SYT16: variants seen among roughly 807,000 people sequenced by gnomAD.
SYT16 encodes synaptotagmin-16.
SYT16 carries 42 observed loss-of-function variants against 61.4 expected under a neutral mutation model. That is an observed-to-expected ratio of 0.68 (90% CI 0.53 to 0.89). The LOEUF (loss-of-function observed/expected upper bound fraction) is 0.89. Ranked by LOEUF, SYT16 falls within the 40% of genes least tolerant of loss-of-function variation. SYT16 has a pLI of 0.00. For synonymous variants in SYT16, 314 were observed against 302.3 expected (o/e 1.04, Z -0.40); for missense variants, 804 against 807.3 (o/e 1.00, Z 0.05).
intron 1 of SYT16, among the ~76,000 whole-genome samples, chr14:61,910,448 AGGCTG>A (rs1285644003): frequency 6.6e-6 from 1 of 151,916 alleles, no homozygotes; most frequent in Non-Finnish European, 1.5e-5. Flanking sequence ...CATGTTGGCC[AGGCTG>A]GTCTCGAACT....
At chr14:62,032,868 A>T (rs1293639425) in intron 3 of SYT16, among the ~76,000 whole-genome samples, 1 of 152,142 alleles carries the variant, frequency 6.6e-6, no homozygotes, top group Non-Finnish European at 1.5e-5. Context: ...TGTCACTACA[A>T]TGAAAGAAAT....
intron 1 of SYT16, among the ~76,000 whole-genome samples, chr14:61,881,387 C>G (rs1200764994): frequency 6.6e-6 from 1 of 152,234 alleles, no homozygotes; most frequent in Non-Finnish European, 1.5e-5. Context: ...TTTCAACTCA[C>G]TTTTATCTGG....
intron 7 of SYT16, among the ~76,000 whole-genome samples, chr14:62,091,468 G>T (rs1489721421): frequency 6.6e-6 from 1 of 152,174 alleles, no homozygotes; most frequent in Non-Finnish European, 1.5e-5. Flanking sequence ...AACAGGAGCG[G>T]TAGGAAAAAT....
intron 1 of SYT16, chr14:61,897,220 C>T (rs934853242): frequency 6.6e-6 from 1 of 152,226 alleles, no homozygotes; most frequent in African/African-American, 2.4e-5. Context: ...ATATGGCCTA[C>T]ACCGAAAATA....
chr14:61,895,739 T>C (rs1454680848), intron 1 of SYT16, among the ~76,000 whole-genome samples: 1 of 152,248 alleles, frequency 6.6e-6, no homozygotes, highest in Non-Finnish European at 1.5e-5. Context: ...ACTCTTGCAT[T>C]ACTACCACTG....
chr14:62,098,487 T>G (rs1418417780), intron 7 of SYT16, among the ~76,000 whole-genome samples: 1 of 152,230 alleles, frequency 6.6e-6, no homozygotes, highest in African/African-American at 2.4e-5. Flanking sequence ...TAGTAAAATT[T>G]GAGTGCTTTC....
intron 4 of SYT16, among the ~76,000 whole-genome samples, chr14:62,074,351 G>A (rs1454308086): frequency 3.3e-5 from 5 of 152,158 alleles, no homozygotes; most frequent in Non-Finnish European, 7.3e-5. Flanking sequence ...GGGGCACTGT[G>A]AGCAGAAATA....
chr14:61,904,027 A>C (rs1351128356), intron 1 of SYT16, among the ~76,000 whole-genome samples: 1 of 152,208 alleles, frequency 6.6e-6, no homozygotes, highest in Middle Eastern at 3.2e-3. Context: ...CTATTCCTAC[A>C]AACGCCCAAT....
chr14:61,961,900 A>C (rs947737590), intron 1 of SYT16, among the ~76,000 whole-genome samples: 16 of 152,186 alleles, frequency 1.1e-4, no homozygotes, highest in Non-Finnish European at 4.4e-5. Context: ...GATAAAGAAA[A>C]TGTGGTACAT....
intron 7 of SYT16, among the ~76,000 whole-genome samples, chr14:62,095,076 A>G (rs1462040637): frequency 6.6e-6 from 1 of 152,020 alleles, no homozygotes; most frequent in African/African-American, 2.4e-5. Context: ...TTAAGGGTTT[A>G]TATCTTTCAC....
chr14:61,855,496 AT>A (rs1350058689), intron 1 of SYT16, among the ~76,000 whole-genome samples: 1 of 152,222 alleles, frequency 6.6e-6, no homozygotes, highest in Admixed American at 6.5e-5. Context: ...CACAAAACCT[AT>A]TTTATAATAA....
intron 7 of SYT16, among the ~76,000 whole-genome samples, chr14:62,084,946 A>G (rs1004512140): frequency 1.3e-5 from 2 of 152,250 alleles, no homozygotes; most frequent in Non-Finnish European, 2.9e-5. Context: ...GTGAATGCAC[A>G]AGAAATGTTA....
chr14:61,820,381 T>A (rs921571311), intron 1 of SYT16, among the ~76,000 whole-genome samples: 1 of 151,520 alleles, frequency 6.6e-6, no homozygotes, highest in South Asian at 2.1e-4. Flanking sequence ...TTTGGCGATC[T>A]CTCTGGGCTT....
intron 3 of SYT16, among the ~76,000 whole-genome samples, chr14:61,999,365 T>C (rs1469144465): frequency 6.6e-6 from 1 of 151,828 alleles, no homozygotes; most frequent in Non-Finnish European, 1.5e-5. Flanking sequence ...GTTTTTCAAA[T>C]TTTTTCATTT....
chr14:61,936,798 G>A lies in SYT16; in HGVS notation c.-324-33334G>A, dbSNP rs536819900. Reference sequence around the variant, plus strand: ...GGTCACAAGCCCAGGTACCATCCTCGGCAACTTTTCATCACCCTCAGGCTG... The same window carrying A: ...GGTCACAAGCCCAGGTACCATCCTCAGCAACTTTTCATCACCCTCAGGCTG... On this transcript the variant is annotated intron_variant, in intron 1 of 7. Coordinates refer to ENST00000683842, the MANE Select transcript of SYT16 (RefSeq NM_001367656.1). Among the ~76,000 whole-genome samples the A allele has an allele frequency of 2.6e-5, 4 of 152,172 alleles. No homozygotes were observed. In the East Asian group the frequency reaches 5.8e-4, roughly 22 times the overall value.
At chr14:61,849,146 C>A (rs541987190) in intron 1 of SYT16, among the ~76,000 whole-genome samples, 2 of 152,286 alleles carry the variant, frequency 1.3e-5, no homozygotes, top group Admixed American at 6.5e-5. Context: ...CGGACTCTGT[C>A]TTGTGCCCTA....
intron 1 of SYT16, among the ~76,000 whole-genome samples, chr14:61,877,786 C>G (rs565560379): frequency 1.1e-4 from 16 of 152,238 alleles, no homozygotes; most frequent in African/African-American, 3.6e-4. Context: ...TGGGTGGGAA[C>G]GTTTACTCTT....
chr14:62,100,668 C>T lies in SYT16; in HGVS notation c.1899C>T (p.Gly633=), dbSNP rs1224734288. ...GGGAGGAGATGAAGGAAACCAAAGG[C>T]CAGCAGATCTGCAGATGGCACACTT... is the stretch of plus-strand genomic sequence containing the variant. ...DHWEEMKETK[G]QQICRWHTLL... Residue 633 remains glycine, a synonymous_variant, in exon 8 of 8, where the codon GGC becomes GGT. Transcript: ENST00000683842. 1 of 1,613,716 alleles carries T rather than the reference C, an allele frequency of 6.2e-7. No individual in the cohort carries two copies.
At chr14:62,050,497 T>C (rs557664557) in intron 3 of SYT16, among the ~76,000 whole-genome samples, 112 of 152,296 alleles carry the variant, frequency 7.4e-4, no homozygotes, top group Admixed American at 2.0e-3. Flanking sequence ...CCGTCCAGCT[T>C]TGTTCTGTTG....
Sources: gnomAD v4.1 joint callset for allele counts (sites outside exome capture counted in the v4.1 genomes callset) on GRCh38, gnomAD v4.1.1 for gene constraint, MANE v1.5 for transcripts, NCBI Gene and HGNC (gene_info 2026-07-23, HGNC 2026-07-21) for gene names.